WWOX: variants seen among roughly 807,000 people sequenced by gnomAD.
WWOX encodes the protein WW domain-containing oxidoreductase.
A neutral mutation model predicts 46.2 loss-of-function variants in WWOX; 69 were observed. The observed-to-expected ratio is 1.49, with a 90% CI of 1.23 to 1.82. The LOEUF (loss-of-function observed/expected upper bound fraction) is 1.82. Ranked by LOEUF, WWOX falls within the 40% of genes most tolerant of loss-of-function variation. The probability of loss-of-function intolerance (pLI) is 0.00; values close to 1 mark genes in which losing one functional copy is unlikely to be tolerated. For synonymous variants in WWOX, 359 were observed against 202.6 expected (o/e 1.77, Z -6.56); for missense variants, 919 against 542.6 (o/e 1.69, Z -6.89).
chr16:78,278,768 C>T, intron 5 of WWOX: 2 of 1,014,772 alleles, frequency 2.0e-6, no homozygotes, highest in South Asian at 3.0e-5. Flanking sequence ...ATCTGACAGA[C>T]ATGTACGATT....
At chr16:78,144,445 A>ACGTC (rs1244011701) in intron 4 of WWOX, among the ~76,000 whole-genome samples, 909 of 17,106 alleles carry the variant, frequency 0.053, 194 homozygotes, top group African/African-American at 0.19. Flanking sequence ...ATATATATAT[A>ACGTC]TACACATATA....
At chr16:78,697,822 C>G (rs922739003) in intron 8 of WWOX, among the ~76,000 whole-genome samples, 2 of 152,126 alleles carry the variant, frequency 1.3e-5, no homozygotes, top group Non-Finnish European at 2.9e-5. Flanking sequence ...TGAGGAGCAT[C>G]TGTATCTGTT....
chr16:78,545,599 T>C (rs2044010554), intron 8 of WWOX, among the ~76,000 whole-genome samples: 1 of 152,208 alleles, frequency 6.6e-6, no homozygotes, highest in Non-Finnish European at 1.5e-5. Context: ...TGCCCAGGAA[T>C]AGTCATGGTT....
chr16:78,874,548 G>A (rs1325682597), intron 8 of WWOX, among the ~76,000 whole-genome samples: 1 of 152,080 alleles, frequency 6.6e-6, no homozygotes, highest in African/African-American at 2.4e-5. Context: ...AGAACTTGAT[G>A]TTATTCATGG....
At chr16:79,139,782 G>C (rs1285036990) in intron 8 of WWOX, among the ~76,000 whole-genome samples, 1 of 152,174 alleles carries the variant, frequency 6.6e-6, no homozygotes, top group Non-Finnish European at 1.5e-5. Context: ...GAGGCAGAAA[G>C]GGCTCTTGAA....
chr16:78,726,924 C>G (rs887348454), intron 8 of WWOX, among the ~76,000 whole-genome samples: 1 of 152,176 alleles, frequency 6.6e-6, no homozygotes, highest in Non-Finnish European at 1.5e-5. Context: ...TGGCTCTAAC[C>G]TGTTAGGGCT....
intron 5 of WWOX, among the ~76,000 whole-genome samples, chr16:78,360,116 C>T (rs557892086): frequency 9.2e-5 from 14 of 152,240 alleles, no homozygotes; most frequent in Admixed American, 3.3e-4. Flanking sequence ...TTAAAAACAA[C>T]GACAAAAATC....
chr16:78,481,944 C>T (rs1387407706), intron 8 of WWOX, among the ~76,000 whole-genome samples: 1 of 152,158 alleles, frequency 6.6e-6, no homozygotes, highest in Non-Finnish European at 1.5e-5. Flanking sequence ...TCGTAACTTT[C>T]TCACATCCTT....
intron 8 of WWOX, among the ~76,000 whole-genome samples, chr16:78,755,688 G>T (rs1025313303): frequency 1.3e-5 from 2 of 152,090 alleles, no homozygotes; most frequent in African/African-American, 4.8e-5. Flanking sequence ...CTGCACCAGG[G>T]CCATGTGACA....
intron 8 of WWOX, among the ~76,000 whole-genome samples, chr16:78,859,396 C>T (rs986422556): frequency 3.3e-5 from 5 of 152,096 alleles, no homozygotes; most frequent in African/African-American, 1.2e-4. Context: ...AGGTACCTTG[C>T]AGTACTTTTG....
At chr16:78,811,991 A>C (rs1042297849) in intron 8 of WWOX, among the ~76,000 whole-genome samples, 1 of 152,178 alleles carries the variant, frequency 6.6e-6, no homozygotes, top group African/African-American at 2.4e-5. Context: ...TTGATAAACT[A>C]TAGCTATTAT....
chr16:78,698,017 A>T (rs1052948442), intron 8 of WWOX, among the ~76,000 whole-genome samples: 1 of 152,212 alleles, frequency 6.6e-6, no homozygotes, highest in African/African-American at 2.4e-5. Flanking sequence ...GTCAAGATAT[A>T]CTATGTGTTT....
intron 8 of WWOX, among the ~76,000 whole-genome samples, chr16:78,846,283 A>T (rs558872375): frequency 6.6e-6 from 1 of 152,334 alleles, no homozygotes; most frequent in South Asian, 2.1e-4. Context: ...TTATGATGCT[A>T]TTAACTACAC....
At chr16:79,054,857 G>A (rs1202635521) in intron 8 of WWOX, among the ~76,000 whole-genome samples, 2 of 152,102 alleles carry the variant, frequency 1.3e-5, no homozygotes, top group African/African-American at 2.4e-5. Flanking sequence ...ATAAAAGGGA[G>A]GCAGAAAATT....
At chr16:78,137,003 G>A (rs565118261) in intron 4 of WWOX, among the ~76,000 whole-genome samples, 4 of 152,150 alleles carry the variant, frequency 2.6e-5, no homozygotes, top group South Asian at 2.1e-4. Context: ...GCAGAGCTGC[G>A]TGTGCCCGGT....
At chr16:78,939,061 A>G (rs1597178398) in intron 8 of WWOX, among the ~76,000 whole-genome samples, 1 of 152,354 alleles carries the variant, frequency 6.6e-6, no homozygotes, top group African/African-American at 2.4e-5. Context: ...GAATTTCTAA[A>G]TGGAGTGGGT....
intron 8 of WWOX, among the ~76,000 whole-genome samples, chr16:78,578,113 A>C (rs1198801838): frequency 1.3e-5 from 2 of 151,466 alleles, no homozygotes; most frequent in Non-Finnish European, 2.9e-5. Flanking sequence ...GTGTCATCTT[A>C]ATACAAGACA....
chr16:78,492,943 G>A (rs1220287423), intron 8 of WWOX, among the ~76,000 whole-genome samples: 4 of 152,142 alleles, frequency 2.6e-5, no homozygotes, highest in Non-Finnish European at 5.9e-5. Context: ...AATCAGTCAT[G>A]CTTAGCATAC....
chr16:78,231,189 C>G (rs898505051), intron 5 of WWOX, among the ~76,000 whole-genome samples: 6 of 152,210 alleles, frequency 3.9e-5, no homozygotes, highest in African/African-American at 1.4e-4. Context: ...GGGATTTGCT[C>G]TTGCAGTTTT....
Sources: gnomAD v4.1 joint callset for allele counts (sites outside exome capture counted in the v4.1 genomes callset) on GRCh38, gnomAD v4.1.1 for gene constraint, MANE v1.5 for transcripts, NCBI Gene and HGNC (gene_info 2026-07-23, HGNC 2026-07-21) for gene names.